The following HDGF variants were observed in gnomAD, a reference collection of about 807,000 sequenced individuals.
HDGF encodes hepatoma-derived growth factor.
HDGF carries 5 observed loss-of-function variants against 30.0 expected under a neutral mutation model. That is an observed-to-expected ratio of 0.17 (90% CI 0.09 to 0.35). The LOEUF is 0.35. Ranked by LOEUF, HDGF falls within the 10% of genes least tolerant of loss-of-function variation. The pLI is 1.00. For synonymous variants in HDGF, 133 were observed against 112.7 expected (o/e 1.18, Z -1.14); for missense variants, 214 against 302.8 (o/e 0.71, Z 2.18).
chr1:156,761,637 A>G (rs1226813384), intron 1 of HDGF, among the ~76,000 whole-genome samples: 1 of 146,500 alleles, frequency 6.8e-6, no homozygotes, highest in Admixed American at 6.8e-5. Flanking sequence ...AAACAAAAAA[A>G]AAACCATAAA....
rs1342204024 is a variant in HDGF at position 156,743,743 on chromosome 1, C to T, written c.625G>A (p.Gly209Arg). The part of the protein sequence containing the change: ...STPSEPGSGR[G>R]PPQEEEEEED... ...TCCTCTTCTTCCTCTTGGGGAGGCC[C>T]CCGGCCAGAGCCGGGCTCAGAGGGG... Residue 209 changes from glycine to arginine, a missense_variant, in exon 5 of 6, where the codon GGG becomes AGG. Physicochemically the swap from Gly to Arg is moderately radical, Grantham distance 125. Transcript: ENST00000357325. 6.2e-7 allele frequency: 1 copy of T among 1,601,200 alleles called. No homozygotes were observed. Among genetic ancestry groups the T allele is most frequent in the Non-Finnish European group, 8.5e-7 (1 of 1,173,936 alleles).
At chr1:156,753,752 T>C (rs1358386803), upstream of HDGF, among the ~76,000 whole-genome samples, 4 of 151,710 alleles carry the variant, frequency 2.6e-5, no homozygotes, top group East Asian at 3.9e-4. Flanking sequence ...GGTTTCACCA[T>C]GTTGGTCAGC....
chr1:156,749,114 C>A, intron 1 of HDGF, among the ~76,000 whole-genome samples: 1 of 152,226 alleles, frequency 6.6e-6, no homozygotes, highest in East Asian at 1.9e-4. Flanking sequence ...CCAGGCAGGT[C>A]CTGCCTATCA....
At chr1:156,757,249 G>A (rs1651169038), upstream of HDGF, among the ~76,000 whole-genome samples, 1 of 148,100 alleles carries the variant, frequency 6.8e-6, no homozygotes, top group Admixed American at 6.7e-5. Flanking sequence ...GCGATCATGA[G>A]GTCAGAAGTT....
chr1:156,763,609 G>C (rs961935938), intron 1 of HDGF, among the ~76,000 whole-genome samples: 4 of 143,314 alleles, frequency 2.8e-5, no homozygotes, highest in African/African-American at 1.1e-4. Context: ...TTTTTGAGAC[G>C]GAGTCTTGCT....
rs1048709381 is a variant in HDGF, at chr1:156,743,309, G to A, written c.*140C>T. 13 of 918,348 alleles carry A rather than the reference G, an allele frequency of 1.4e-5. No individual in the cohort carries two copies. The highest frequency in any genetic ancestry group is 8.5e-5 in the African/African-American group (5 of 58,880). 56.9% of individuals were successfully genotyped at this position (918,348 alleles called of 1,614,324 possible). On this transcript the variant is annotated 3_prime_UTR_variant, in exon 6 of 6. Coordinates refer to ENST00000357325, the MANE Select transcript of HDGF (RefSeq NM_004494.3). The stretch of plus-strand genomic sequence containing the variant: ...AGGTCAATCTCCATGGGCTGGGCTT[G>A]GAGTGGGAAAAGTGAGTAGAAGAGG...
intron 1 of HDGF, among the ~76,000 whole-genome samples, chr1:156,764,007 C>T (rs1651304913): frequency 6.6e-6 from 1 of 152,042 alleles, no homozygotes; most frequent in South Asian, 2.1e-4. Context: ...AAGCGATCCT[C>T]CTCTTTCAGC....
upstream of HDGF, chr1:156,752,148 G>A (rs1432078400): frequency 1.9e-6 from 3 of 1,551,460 alleles, no homozygotes; most frequent in Admixed American, 5.9e-5. Flanking sequence ...TCTTGGCAGC[G>A]TGCTAGGCGC....
In HDGF at chr1:156,745,302, G is replaced by A. The variant is rs1650449886; in HGVS notation, c.159C>T (p.His53=). Residue 53 remains histidine, a synonymous_variant, in exon 2 of 6, where the codon CAC becomes CAT. Transcript: ENST00000357325. ...NKYQVFFFGT[H]ETAFLGPKDL... is the part of the protein sequence containing the mutation. ...CCCCTTTGGCCTCCACTCACGTCTC[G>A]TGGGTCCCGAAAAAAAAGACTTGGT... 17 of 1,613,570 alleles carry A rather than the reference G, an allele frequency of 1.1e-5. No homozygotes were observed. Among genetic ancestry groups the A allele is most frequent in the Admixed American group, 3.3e-5 (2 of 59,944 alleles).
chr1:156,765,472 CT>C (rs71080793), intron 1 of HDGF, among the ~76,000 whole-genome samples: 6,325 of 85,746 alleles, frequency 0.074, 95 homozygotes, highest in Admixed American at 0.11. Flanking sequence ...TTCTTTCTTT[CT>C]TTTTTTTTTT....
chr1:156,760,452 C>T lies in HDGF; in HGVS notation n.137-1233G>A, dbSNP rs186303701. Among the ~76,000 whole-genome samples the T allele has an allele frequency of 2.0e-5, 3 of 152,318 alleles. No homozygotes were observed. The East Asian group carries it at 5.8e-4, about 29-fold the overall frequency. ...TGGGCAGCAGCTCTGGCTAGGCTGGCGGACGCTGTGGTTCTGTAGAGGACA... is the reference window on the plus strand; with the variant it reads ...TGGGCAGCAGCTCTGGCTAGGCTGGTGGACGCTGTGGTTCTGTAGAGGACA... On this transcript the variant is annotated intron_variant and non_coding_transcript_variant, in intron 1 of 7. Coordinates refer to the HDGF transcript ENST00000465180.
rs1287572977 is a variant in HDGF at position 156,743,827 on chromosome 1, C to G, written c.541G>C (p.Glu181Gln). The G allele has an allele frequency of 6.2e-7, 1 of 1,612,560 alleles. No homozygotes were observed. The highest frequency in any genetic ancestry group is 8.5e-7 in the Non-Finnish European group (1 of 1,179,250). ...EAENPEGEEK[E>Q]AATLEVERPL... ...CTCTCAACCTCCAAGGTGGCTGCCT[C>G]CTTCTCCTCTCCTTCAGGGTTTTCT... The change falls in exon 5 of 6, where the codon GAG (glutamate) becomes CAG (glutamine). Residue 181 changes from glutamate (E) to glutamine (Q), a missense_variant. Coordinates refer to ENST00000357325, the MANE Select transcript of HDGF (RefSeq NM_004494.3).
At chr1:156,752,480 A>C, upstream of HDGF, 2 of 887,448 alleles carry the variant, frequency 2.3e-6, no homozygotes, top group Non-Finnish European at 1.8e-6. Context: ...AATAAACCCA[A>C]CCCCTTCAGT....
upstream of HDGF, chr1:156,752,279 C>T (rs1359507488): frequency 6.4e-7 from 1 of 1,551,788 alleles, no homozygotes; most frequent in South Asian, 1.2e-5. Flanking sequence ...CTACGTCCGC[C>T]TTTGCTAAGG....
chr1:156,744,202 C>T lies in HDGF; in HGVS notation c.450G>A (p.Glu150=). ...CTGCTCTCCTCTTCAACGCTCCTTT[C>T]TCGTTCTTCTCCTTGGCTGGCTCAT... ...VIDEPAKEKN[E]KGALKRRAGD... is the part of the protein sequence containing the mutation. The change falls in exon 4 of 6, where the codon GAG becomes GAA. Residue 150 remains glutamate (E), a synonymous_variant. Coordinates refer to ENST00000357325, the MANE Select transcript of HDGF (RefSeq NM_004494.3). 3 of 1,614,126 alleles carry T rather than the reference C, an allele frequency of 1.9e-6. No individual in the cohort carries two copies. The highest frequency in any genetic ancestry group is 2.7e-5 in the African/African-American group (2 of 75,030).
Position 156,748,503 on chromosome 1 carries a change from C to T in HDGF, c.87+2840G>A, listed in dbSNP as rs183741878. On this transcript the variant is annotated intron_variant, in intron 1 of 5. Transcript: ENST00000357325. Reference sequence around the variant, plus strand: ...TCCACTAGCCAGCAATAGGGGAACTCGGCTACCTCTTAACCATTCCAGATC... The same window carrying T: ...TCCACTAGCCAGCAATAGGGGAACTTGGCTACCTCTTAACCATTCCAGATC... Among the ~76,000 whole-genome samples the T allele has an allele frequency of 1.5e-4, 23 of 152,286 alleles. No homozygotes were observed. The East Asian group carries it at 3.7e-3, about 24-fold the overall frequency.
In HDGF at chr1:156,742,995, T is replaced by G; in HGVS notation, c.*454A>C. On this transcript the variant is annotated 3_prime_UTR_variant, in exon 6 of 6. Coordinates refer to ENST00000357325, the MANE Select transcript of HDGF (RefSeq NM_004494.3). ...CCTCCTGTGCTGCCCCCACCCCGCA[T>G]TTGAGGATTGCCCCTCCCAGGCCCC... 1 of 157,764 alleles carries G rather than the reference T, an allele frequency of 6.3e-6. No individual in the cohort carries two copies. The highest frequency in any genetic ancestry group is 1.4e-5 in the Non-Finnish European group (1 of 71,486). 9.8% of individuals were successfully genotyped at this position (157,764 alleles called of 1,614,324 possible).
chr1:156,762,755 C>A (rs895187537), intron 1 of HDGF, among the ~76,000 whole-genome samples: 1 of 152,086 alleles, frequency 6.6e-6, no homozygotes, highest in Non-Finnish European at 1.5e-5. Flanking sequence ...GCCTGTAATC[C>A]CAGCTACTCG....
chr1:156,745,673 TC>T (rs1490957315), intron 1 of HDGF, among the ~76,000 whole-genome samples: 1 of 152,178 alleles, frequency 6.6e-6, no homozygotes, highest in Non-Finnish European at 1.5e-5. Flanking sequence ...TTCTCCATTC[TC>T]CACAATCTAT....
Sources: allele counts gnomAD v4.1 joint callset (sites outside exome capture counted in the v4.1 genomes callset), GRCh38; gene constraint gnomAD v4.1.1; transcripts MANE v1.5; gene names NCBI Gene and HGNC (gene_info 2026-07-23, HGNC 2026-07-21).